KLHL6: variants seen among roughly 807,000 people sequenced by gnomAD.
KLHL6 encodes the protein kelch like family member 6.
KLHL6 carries 41 observed loss-of-function variants against 58.6 expected under a neutral mutation model. The observed-to-expected ratio is 0.70, with a 90% CI of 0.55 to 0.91. The LOEUF is 0.91. KLHL6 is among the 40% of genes least tolerant of loss of function. The probability of loss-of-function intolerance (pLI) is 0.00; values close to 1 mark genes in which losing one functional copy is unlikely to be tolerated. For missense variants in KLHL6, 714 were observed against 805.6 expected, an observed-to-expected ratio of 0.89 and a Z score of 1.38; for synonymous variants, 338 against 322.7, an observed-to-expected ratio of 1.05 and a Z score of -0.51.
intron 1 of KLHL6, among the ~76,000 whole-genome samples, chr3:183,539,708 C>CAAAAAA (rs4066041): frequency 6.6e-4 from 81 of 123,388 alleles, no homozygotes; most frequent in African/African-American, 2.5e-3. Flanking sequence ...GACTCCATCT[C>CAAAAAA]AAAAAAAAAA....
intron 2 of KLHL6, among the ~76,000 whole-genome samples, chr3:183,525,269 A>ACACACACACACACACACACACAC (rs1553811031): frequency 0.013 from 1,719 of 133,722 alleles, 17 homozygotes; most frequent in Non-Finnish European, 0.02. Flanking sequence ...CTAAAAAAAA[A>ACACACACACACACACACACACAC]ACACACACAC....
At position 183,555,421 on chromosome 3, in the gene KLHL6, A is replaced by G. The variant is rs1436548880; in HGVS notation, c.233T>C (p.Val78Ala). 2.2e-5 allele frequency: 35 copies of G among 1,614,138 alleles called. No homozygotes were observed. Among genetic ancestry groups the G allele is most frequent in the Non-Finnish European group, 2.9e-5 (34 of 1,180,026 alleles). The change falls in exon 1 of 7, where the codon GTG (valine) becomes GCG (alanine). Residue 78 changes from valine to alanine, a missense_variant. Coordinates refer to ENST00000341319, the MANE Select transcript of KLHL6 (RefSeq NM_130446.4). ...GTGGCAGGAGAATTCCTGAATGTCC[A>G]CACACAAGATGACATCTGTCAGAGC... The part of the protein sequence containing the change: ...ENALTDVILC[V>A]DIQEFSCHRV...
At position 183,499,501 on chromosome 3, in the gene KLHL6, A is replaced by G. The variant is rs1717808737; in HGVS notation, c.1147+89T>C. ...AGCCGGATCATTGCCAATTCACAGT[A>G]ATTCTTCTAGGATGGTTGCCTGGCT... On this transcript the variant is annotated intron_variant, in intron 4 of 6. Transcript: ENST00000341319. This position sits in a 1 kb window ranked among gnomAD's most constrained non-coding sequence, Gnocchi z 4.6. 1.2e-6 allele frequency: 1 copy of G among 836,636 alleles called. No homozygotes were observed. The highest frequency in any genetic ancestry group is 1.9e-6 in the Non-Finnish European group (1 of 525,424). The allele number at this position is 836,636 out of a possible 1,614,324, so 51.8% of individuals were successfully genotyped here.
rs1717588091 is a variant in KLHL6 at position 183,492,417 on chromosome 3, G to A, written c.1564+77C>T. 2 of 1,516,404 alleles carry A rather than the reference G, an allele frequency of 1.3e-6. No individual in the cohort carries two copies. Among genetic ancestry groups the A allele is most frequent in the Non-Finnish European group, 1.8e-6 (2 of 1,100,954 alleles). The allele number at this position is 1,516,404 out of a possible 1,614,324, so 93.9% of individuals were successfully genotyped here. A position where few individuals can be genotyped will look rare whatever the true frequency, so the allele number is the denominator to read the frequency against. On this transcript the variant is annotated intron_variant, in intron 6 of 6. Transcript: ENST00000341319. The surrounding 1 kb of genome is among the most constrained non-coding windows in gnomAD (Gnocchi z 5.9). The stretch of plus-strand genomic sequence containing the variant: ...GAGTTGCCAGCGCTGGAGACACCGC[G>A]ACACACCGTTTACGTGCTGCAGCCA...
chr3:183,533,890 T>C (rs908469539), intron 1 of KLHL6, among the ~76,000 whole-genome samples: 6 of 151,430 alleles, frequency 4.0e-5, no homozygotes, highest in Admixed American at 1.3e-4. Context: ...CACAAGAATA[T>C]GGTAATAAGA....
intron 3 of KLHL6, among the ~76,000 whole-genome samples, chr3:183,506,026 A>G (rs1415991294): frequency 6.6e-6 from 1 of 152,222 alleles, no homozygotes; most frequent in Non-Finnish European, 1.5e-5. Flanking sequence ...ACACAGAAAA[A>G]GGGAGAAACT....
At position 183,492,821 on chromosome 3, in the gene KLHL6, T is replaced by C. The variant is rs1281482953; in HGVS notation, c.1351-114A>G. Reference sequence around the variant, plus strand: ...GACACAGAACTGGGCATCTTTTGCCTATAGTCACAAGGCCCATGGGCTTGA... The same window carrying C: ...GACACAGAACTGGGCATCTTTTGCCCATAGTCACAAGGCCCATGGGCTTGA... On this transcript the variant is annotated intron_variant, in intron 5 of 6. Transcript: ENST00000341319. The surrounding 1 kb of genome is among the most constrained non-coding windows in gnomAD (Gnocchi z 5.9). The C allele has an allele frequency of 2.1e-6, 2 of 930,704 alleles. No homozygotes were observed. Among genetic ancestry groups the C allele is most frequent in the African/African-American group, 1.6e-5 (1 of 61,180 alleles). 57.7% of individuals were successfully genotyped at this position (930,704 alleles called of 1,614,324 possible).
intron 2 of KLHL6, 89 bp from the exon 3 acceptor site, chr3:183,508,597 T>C: frequency 8.8e-7 from 1 of 1,138,248 alleles, no homozygotes; most frequent in Non-Finnish European, 1.2e-6. Context: ...TAGCCAAAAA[T>C]TGGAAACAAC....
At chr3:183,544,749 A>ACACACACAC (rs1712662773) in intron 1 of KLHL6, 5 of 114,794 alleles carry the variant, frequency 4.4e-5, no homozygotes, top group South Asian at 3.2e-4. Flanking sequence ...CTGTCTCTCA[A>ACACACACAC]ACACACACAC....
At chr3:183,525,738 T>G (rs1413224757) in intron 2 of KLHL6, among the ~76,000 whole-genome samples, 1 of 152,220 alleles carries the variant, frequency 6.6e-6, no homozygotes, top group African/African-American at 2.4e-5. Context: ...AATATCATGC[T>G]GCCATTGAGA....
intron 1 of KLHL6, among the ~76,000 whole-genome samples, chr3:183,544,163 C>CAA (rs56357226): frequency 0.023 from 1,259 of 55,554 alleles, 58 homozygotes; most frequent in African/African-American, 0.053. Flanking sequence ...AACTCAGTCT[C>CAA]AAAAAAAAAA....
intron 3 of KLHL6, among the ~76,000 whole-genome samples, chr3:183,503,775 G>A (rs1717932007): frequency 6.6e-6 from 1 of 152,154 alleles, no homozygotes; most frequent in South Asian, 2.1e-4. Flanking sequence ...ACAAAAGTCT[G>A]TCTGAAGAAA....
At chr3:183,518,643 G>A (rs1406190880) in intron 2 of KLHL6, among the ~76,000 whole-genome samples, 5 of 152,182 alleles carry the variant, frequency 3.3e-5, no homozygotes, top group African/African-American at 1.2e-4. Flanking sequence ...GGCAAAAGAA[G>A]ATAATTCTTG....
chr3:183,494,288 G>C lies in KLHL6; in HGVS notation c.1148-7C>G. On this transcript the variant is annotated splice_polypyrimidine_tract_variant and splice_region_variant and intron_variant, in intron 4 of 6. Coordinates refer to ENST00000341319, the MANE Select transcript of KLHL6 (RefSeq NM_130446.4). ...TGCTGTGTTTCTTTGCCACCTGCAA[G>C]AGATACAAAGCATTTAAGAAACCAT... The C allele has an allele frequency of 3.1e-6, 5 of 1,603,040 alleles. No homozygotes were observed. The highest frequency in any genetic ancestry group is 4.3e-6 in the Non-Finnish European group (5 of 1,170,104).
chr3:183,495,873 A>G (rs975077205), intron 4 of KLHL6, among the ~76,000 whole-genome samples: 15 of 152,326 alleles, frequency 9.8e-5, no homozygotes, highest in Middle Eastern at 3.4e-3. Context: ...TCAGTTAAAA[A>G]CAAGAGCACA....
intron 2 of KLHL6, among the ~76,000 whole-genome samples, chr3:183,523,957 C>G (rs903378102): frequency 3.3e-5 from 5 of 152,080 alleles, no homozygotes; most frequent in African/African-American, 1.2e-4. Flanking sequence ...GACGGGGTTT[C>G]ATCATGTTGG....
intron 1 of KLHL6, among the ~76,000 whole-genome samples, chr3:183,549,394 T>C (rs761761479): frequency 2.0e-4 from 30 of 152,234 alleles, no homozygotes; most frequent in Admixed American, 5.9e-4. Context: ...AATATGATAG[T>C]AAATATTTCA....
At chr3:183,495,540 T>G (rs142671875) in intron 4 of KLHL6, among the ~76,000 whole-genome samples, 1 of 150,900 alleles carries the variant, frequency 6.6e-6, no homozygotes, top group African/African-American at 2.4e-5. Flanking sequence ...CAAAGAAATG[T>G]ATGCAACCTT....
At chr3:183,528,124 G>T in intron 1 of KLHL6, 114 bp from the exon 2 acceptor site, 1 of 1,154,694 alleles carries the variant, frequency 8.7e-7, no homozygotes, top group Non-Finnish European at 1.3e-6. Flanking sequence ...CCCAAGGTCA[G>T]GTCCTGGGCT....
Sources: allele counts gnomAD v4.1 joint callset (sites outside exome capture counted in the v4.1 genomes callset), GRCh38; gene constraint gnomAD v4.1.1; non-coding constraint Gnocchi (gnomAD v3.1); transcripts MANE v1.5; gene names NCBI Gene and HGNC (gene_info 2026-07-23, HGNC 2026-07-21).